LRMDA: variants seen among roughly 807,000 people sequenced by gnomAD.
LRMDA encodes the protein leucine-rich melanocyte differentiation-associated protein.
A neutral mutation model predicts 29.8 loss-of-function variants in LRMDA; 18 were observed. The observed-to-expected ratio is 0.60, with a 90% confidence interval of 0.42 to 0.90. The LOEUF (loss-of-function observed/expected upper bound fraction) is 0.90. LRMDA is among the 40% of genes least tolerant of loss of function. The pLI is 0.00. For missense variants in LRMDA, 273 were observed against 273.9 expected, an observed-to-expected ratio of 1.00 and a Z score of 0.02; for synonymous variants, 125 against 109.4, an observed-to-expected ratio of 1.14 and a Z score of -0.89.
intron 2 of LRMDA, among the ~76,000 whole-genome samples, chr10:75,561,989 GA>G (rs1162815471): frequency 6.6e-6 from 1 of 152,020 alleles, no homozygotes; most frequent in Admixed American, 6.5e-5. Context: ...GTGTGGTGCT[GA>G]AAAAAATGTA....
chr10:76,072,390 T>C (rs1848889288), intron 5 of LRMDA, among the ~76,000 whole-genome samples: 1 of 152,174 alleles, frequency 6.6e-6, no homozygotes, highest in Non-Finnish European at 1.5e-5. Flanking sequence ...AGTTCTGCAG[T>C]GCTGATAGAT....
chr10:75,690,213 T>G (rs1022591543), intron 2 of LRMDA, among the ~76,000 whole-genome samples: 1 of 152,226 alleles, frequency 6.6e-6, no homozygotes, highest in Admixed American at 6.5e-5. Context: ...GAGATCTACT[T>G]ATATCCTCCT....
chr10:75,525,592 C>T (rs74147106), intron 2 of LRMDA, among the ~76,000 whole-genome samples: 58 of 129,690 alleles, frequency 4.5e-4, no homozygotes, highest in Admixed American at 1.8e-3. Flanking sequence ...TTCTTTCTTT[C>T]TTTTTTTTTT....
At chr10:75,701,015 TCTC>T (rs1245991941) in intron 2 of LRMDA, among the ~76,000 whole-genome samples, 1 of 152,174 alleles carries the variant, frequency 6.6e-6, no homozygotes, top group African/African-American at 2.4e-5. Flanking sequence ...GACTAACTCA[TCTC>T]CTCGGCATTG....
chr10:75,829,110 A>G (rs1461231593), intron 2 of LRMDA, among the ~76,000 whole-genome samples: 44 of 152,350 alleles, frequency 2.9e-4, no homozygotes, highest in East Asian at 5.8e-4. Flanking sequence ...CAAAATGGAC[A>G]TTCTTTGAAT....
chr10:75,655,602 T>C (rs1341734795), intron 2 of LRMDA, among the ~76,000 whole-genome samples: 1 of 152,154 alleles, frequency 6.6e-6, no homozygotes, highest in East Asian at 1.9e-4. Context: ...GAGCATCTGA[T>C]GATGTTGGAG....
chr10:76,008,491 CTGTT>C (rs1847714273), intron 2 of LRMDA, among the ~76,000 whole-genome samples: 1 of 152,200 alleles, frequency 6.6e-6, no homozygotes, highest in Non-Finnish European at 1.5e-5. Flanking sequence ...AAAACAAACA[CTGTT>C]TGCCTTCAAT....
intron 2 of LRMDA, among the ~76,000 whole-genome samples, chr10:75,660,412 C>T (rs899574834): frequency 2.0e-5 from 3 of 152,168 alleles, no homozygotes; most frequent in Admixed American, 6.5e-5. Context: ...GGGCGCCTGC[C>T]GGACGGCTCT....
chr10:75,653,601 G>C (rs1269649365), intron 2 of LRMDA, among the ~76,000 whole-genome samples: 2 of 152,236 alleles, frequency 1.3e-5, no homozygotes, highest in Non-Finnish European at 2.9e-5. Flanking sequence ...AGTCTTGGGA[G>C]AGTGCCTGTG....
chr10:76,453,424 A>G (rs562812486), intron 6 of LRMDA, among the ~76,000 whole-genome samples: 4 of 152,334 alleles, frequency 2.6e-5, no homozygotes, highest in African/African-American at 9.6e-5. Context: ...TATGACATAC[A>G]GAGTCTTCTT....
At chr10:75,846,106 C>T (rs1444363854) in intron 2 of LRMDA, among the ~76,000 whole-genome samples, 1 of 151,776 alleles carries the variant, frequency 6.6e-6, no homozygotes, top group African/African-American at 2.4e-5. Flanking sequence ...CTAGGTACCT[C>T]CTAAATAAGA....
intron 2 of LRMDA, among the ~76,000 whole-genome samples, chr10:75,824,949 T>TG (rs1245814616): frequency 3.3e-5 from 5 of 152,206 alleles, no homozygotes; most frequent in African/African-American, 1.2e-4. Context: ...TTAAATTATT[T>TG]GGGGTGGTAA....
chr10:75,572,633 A>T (rs1000763039), intron 2 of LRMDA, among the ~76,000 whole-genome samples: 4 of 152,222 alleles, frequency 2.6e-5, no homozygotes, highest in Non-Finnish European at 5.9e-5. Context: ...AAATATCTTT[A>T]CTTTGGCTTT....
In LRMDA at chr10:76,557,910, G is replaced by T. The variant is rs981053078; in HGVS notation, c.*622G>T. Reference sequence around the variant, plus strand: ...AGTTTGCAGTTTTTCGGAGAACAAGGTATAACTTCCCAGCCAGGTCATACA... The same window carrying T: ...AGTTTGCAGTTTTTCGGAGAACAAGTTATAACTTCCCAGCCAGGTCATACA... On this transcript the variant is annotated 3_prime_UTR_variant, in exon 7 of 7. Transcript: ENST00000611255. 6.6e-6 allele frequency: 1 copy of T among 152,234 alleles called. No individual in the cohort carries two copies. The highest frequency in any genetic ancestry group is 6.5e-5 in the Admixed American group (1 of 15,284). 9.4% of individuals were successfully genotyped at this position (152,234 alleles called of 1,614,324 possible). A position where few individuals can be genotyped will look rare whatever the true frequency, so the allele number is the denominator to read the frequency against.
chr10:76,185,486 A>G (rs1851131536), intron 5 of LRMDA, among the ~76,000 whole-genome samples: 2 of 152,244 alleles, frequency 1.3e-5, no homozygotes, highest in South Asian at 4.1e-4. Flanking sequence ...AAAATATTTC[A>G]TATACTGCAA....
At chr10:75,698,690 T>G (rs1842269472) in intron 2 of LRMDA, among the ~76,000 whole-genome samples, 1 of 152,084 alleles carries the variant, frequency 6.6e-6, no homozygotes, top group Non-Finnish European at 1.5e-5. Flanking sequence ...TTCAGCATTT[T>G]GTAAATTTTA....
At chr10:76,474,359 A>G (rs1464286188) in intron 6 of LRMDA, among the ~76,000 whole-genome samples, 1 of 151,656 alleles carries the variant, frequency 6.6e-6, no homozygotes, top group African/African-American at 2.4e-5. Flanking sequence ...ACAAGGGACA[A>G]AAGAAAAAAT....
intron 2 of LRMDA, among the ~76,000 whole-genome samples, chr10:75,608,108 G>GTATATATATATA (rs1158936668): frequency 3.4e-5 from 3 of 88,446 alleles, no homozygotes; most frequent in Non-Finnish European, 4.9e-5. Flanking sequence ...ATTGTAGTGT[G>GTATATATATATA]TGTATATATA....
At chr10:75,655,635 T>C (rs932887873) in intron 2 of LRMDA, among the ~76,000 whole-genome samples, 2 of 152,204 alleles carry the variant, frequency 1.3e-5, no homozygotes, top group African/African-American at 4.8e-5. Context: ...AACCAGAACC[T>C]GAGGTCTGGG....
Sources: allele counts gnomAD v4.1 joint callset (sites outside exome capture counted in the v4.1 genomes callset), GRCh38; gene constraint gnomAD v4.1.1; transcripts MANE v1.5; gene names NCBI Gene and HGNC (gene_info 2026-07-23, HGNC 2026-07-21).